The following MSRA variants were observed in gnomAD, a reference collection of about 807,000 sequenced individuals.
MSRA encodes mitochondrial peptide methionine sulfoxide reductase.
Under a neutral mutation model 31.3 loss-of-function variants are expected in MSRA, and 54 were observed. That is an observed-to-expected ratio of 1.73 (90% CI 1.39 to 2.17). The LOEUF (loss-of-function observed/expected upper bound fraction) is 2.17, where lower values mean the gene tolerates loss of function less well. MSRA is among the 30% of genes most tolerant of loss of function. The probability of loss-of-function intolerance (pLI) is 0.00; values close to 1 mark genes in which losing one functional copy is unlikely to be tolerated. For synonymous variants in MSRA, 169 were observed against 116.5 expected (o/e 1.45, Z -2.90); for missense variants, 507 against 300.9 (o/e 1.69, Z -5.07).
At chr8:10,360,597 G>A (rs1804789700) in intron 5 of MSRA, among the ~76,000 whole-genome samples, 1 of 152,140 alleles carries the variant, frequency 6.6e-6, no homozygotes, top group Non-Finnish European at 1.5e-5. Context: ...TTCACATATT[G>A]TTCTGTGTGC....
chr8:10,312,356 G>A (rs1801478796), intron 4 of MSRA, among the ~76,000 whole-genome samples: 2 of 152,178 alleles, frequency 1.3e-5, no homozygotes, highest in African/African-American at 4.8e-5. Context: ...AGATTTTACA[G>A]AAACCAGGAA....
chr8:10,131,405 A>G (rs1271949303), intron 1 of MSRA, among the ~76,000 whole-genome samples: 4 of 152,260 alleles, frequency 2.6e-5, no homozygotes, highest in Non-Finnish European at 5.9e-5. Flanking sequence ...TTGGGCAGGT[A>G]GCAATTAGCT....
intron 5 of MSRA, among the ~76,000 whole-genome samples, chr8:10,415,611 T>C (rs1431361775): frequency 6.6e-6 from 1 of 152,122 alleles, no homozygotes; most frequent in Non-Finnish European, 1.5e-5. Flanking sequence ...TCTTTTCCTG[T>C]GGTTGAGCCC....
At chr8:10,372,409 G>T (rs1198201787) in intron 5 of MSRA, among the ~76,000 whole-genome samples, 1 of 152,220 alleles carries the variant, frequency 6.6e-6, no homozygotes, top group Non-Finnish European at 1.5e-5. Flanking sequence ...GCGTATTGCA[G>T]TTATAAAATG....
At chr8:10,145,283 C>T (rs887452705) in intron 1 of MSRA, among the ~76,000 whole-genome samples, 6 of 151,956 alleles carry the variant, frequency 3.9e-5, no homozygotes, top group South Asian at 2.1e-4. Flanking sequence ...ATAATTCATA[C>T]GAAGAATAGC....
intron 1 of MSRA, among the ~76,000 whole-genome samples, chr8:10,099,885 C>T (rs908586956): frequency 6.6e-6 from 1 of 152,150 alleles, no homozygotes; most frequent in Non-Finnish European, 1.5e-5. Flanking sequence ...CCAAAGCATC[C>T]CATATTGTAC....
chr8:10,124,791 A>G (rs895264328), intron 1 of MSRA, among the ~76,000 whole-genome samples: 3 of 141,486 alleles, frequency 2.1e-5, no homozygotes, highest in Non-Finnish European at 3.0e-5. Context: ...TTAGATATGA[A>G]TTCAGTAAAA....
chr8:10,195,068 C>A (rs567664157), intron 1 of MSRA, among the ~76,000 whole-genome samples: 57 of 152,052 alleles, frequency 3.7e-4, no homozygotes, highest in South Asian at 6.2e-4. Flanking sequence ...CTATAGTTAC[C>A]CTATTCTTTA....
chr8:10,281,412 T>C (rs919497729), intron 3 of MSRA, among the ~76,000 whole-genome samples: 7 of 152,168 alleles, frequency 4.6e-5, no homozygotes. Context: ...ATGAACATAA[T>C]TTTCCAGTTC....
chr8:10,337,699 C>T (rs971624317), intron 5 of MSRA: 21 of 702,438 alleles, frequency 3.0e-5, no homozygotes, highest in Non-Finnish European at 4.7e-5. Context: ...TACTCCTCCT[C>T]TCTCGGCAGC....
chr8:10,103,327 G>C (rs967314804), intron 1 of MSRA, among the ~76,000 whole-genome samples: 7 of 152,122 alleles, frequency 4.6e-5, no homozygotes, highest in Non-Finnish European at 1.0e-4. Context: ...TGTAGCTTCA[G>C]GACAGATCTT....
intron 5 of MSRA, among the ~76,000 whole-genome samples, chr8:10,396,223 C>T (rs192526335): frequency 3.3e-5 from 5 of 152,320 alleles, no homozygotes; most frequent in East Asian, 1.9e-4. Context: ...CAGGAAGAAG[C>T]GTTTCCTGCA....
rs373543151 is a variant in MSRA, at chr8:10,180,816, T to C, written c.143-27017T>C. Among the ~76,000 whole-genome samples the C allele has an allele frequency of 2.1e-4, 32 of 152,338 alleles. No homozygotes were observed. The East Asian group carries it at 4.2e-3, about 20-fold the overall frequency. Reference sequence around the variant, plus strand: ...TTGCACCGAAGAAATGTACAGGAAATCAGGTGTTTTTGGAAGACACTGGAT... The same window carrying C: ...TTGCACCGAAGAAATGTACAGGAAACCAGGTGTTTTTGGAAGACACTGGAT... On this transcript the variant is annotated intron_variant, in intron 1 of 5. Coordinates refer to ENST00000317173, the MANE Select transcript of MSRA (RefSeq NM_012331.5).
At chr8:10,118,758 C>G (rs78674912) in intron 1 of MSRA, among the ~76,000 whole-genome samples, 1 of 152,170 alleles carries the variant, frequency 6.6e-6, no homozygotes, top group African/African-American at 2.4e-5. Context: ...TCCCTCAAAA[C>G]CAGCTCCTCT....
intron 1 of MSRA, among the ~76,000 whole-genome samples, chr8:10,153,517 CCT>C (rs144350604): frequency 1.0e-3 from 70 of 69,044 alleles, no homozygotes; most frequent in African/African-American, 3.1e-3. Context: ...TTTCTACCTT[CCT>C]TTTTTTTTGC....
chr8:10,256,956 G>A (rs997769475), intron 3 of MSRA, among the ~76,000 whole-genome samples: 1 of 152,070 alleles, frequency 6.6e-6, no homozygotes, highest in African/African-American at 2.4e-5. Context: ...TATCTTCTAG[G>A]CTTTTTATAC....
intron 1 of MSRA, among the ~76,000 whole-genome samples, chr8:10,107,694 C>T (rs191400302): frequency 7.2e-5 from 11 of 152,250 alleles, no homozygotes; most frequent in East Asian, 5.8e-4. Flanking sequence ...AGAGAGCTTT[C>T]GTCATTTTCT....
intron 5 of MSRA, among the ~76,000 whole-genome samples, chr8:10,342,848 G>A (rs1000941261): frequency 2.6e-5 from 4 of 152,216 alleles, no homozygotes; most frequent in Non-Finnish European, 5.9e-5. Context: ...AAGACAGCTT[G>A]GTTCCAATCC....
At chr8:10,110,090 A>G (rs1327669255) in intron 1 of MSRA, among the ~76,000 whole-genome samples, 7 of 152,088 alleles carry the variant, frequency 4.6e-5, no homozygotes, top group African/African-American at 9.7e-5. Flanking sequence ...CATGCCCCAC[A>G]CAGACATTCA....
Sources: allele counts gnomAD v4.1 joint callset (sites outside exome capture counted in the v4.1 genomes callset), GRCh38; gene constraint gnomAD v4.1.1; transcripts MANE v1.5; gene names NCBI Gene and HGNC (gene_info 2026-07-23, HGNC 2026-07-21).